Variants in CIROP observed in about 807,000 individuals in gnomAD.
The protein encoded by CIROP is leishmanolysin homolog.
chr14:23,101,419 G>A, the CIROP span: 2 of 594,752 alleles, frequency 3.4e-6, no homozygotes, highest in Non-Finnish European at 6.0e-6. Flanking sequence ...GAGGTGTGGG[G>A]TAAGAGAAGG....
chr14:23,104,243 C>G, the CIROP span: 1 of 659,858 alleles, frequency 1.5e-6, no homozygotes, highest in South Asian at 1.6e-5. Flanking sequence ...TCAATCTCAC[C>G]TTTGCCCCCA....
At chr14:23,102,391 G>C in the CIROP span, 1 of 702,880 alleles carries the variant, frequency 1.4e-6, no homozygotes. Flanking sequence ...ACTCCCAAGT[G>C]TTTGGCCAGG....
chr14:23,102,831 C>T, the CIROP span: 2 of 653,420 alleles, frequency 3.1e-6, no homozygotes, highest in East Asian at 5.4e-5. Context: ...TCTATTCCAT[C>T]CTCTGTGGGT....
At chr14:23,103,743 G>A in the CIROP span, 1 of 702,984 alleles carries the variant, frequency 1.4e-6, no homozygotes, top group East Asian at 2.7e-5. Context: ...TGGACCCCAG[G>A]CCCATCTGGC....
chr14:23,099,394 C>T, the CIROP span: 1 of 413,224 alleles, frequency 2.4e-6, no homozygotes, highest in Non-Finnish European at 4.4e-6. Context: ...GGCTGTGGTT[C>T]CCATTACACC....
chr14:23,104,471 T>A, the CIROP span: 1 of 703,040 alleles, frequency 1.4e-6, no homozygotes, highest in South Asian at 1.5e-5. Context: ...GTCCTTGCAC[T>A]GGAGGGACTT....
chr14:23,101,635 C>T, the CIROP span: 3 of 703,008 alleles, frequency 4.3e-6, no homozygotes, highest in Non-Finnish European at 7.8e-6. Flanking sequence ...TCCAGACCCA[C>T]TCAGTTTCAT....
the CIROP span, chr14:23,102,602 G>A: frequency 1.4e-6 from 1 of 703,052 alleles, no homozygotes; most frequent in South Asian, 1.5e-5. Flanking sequence ...ATGGTGGAAA[G>A]TCCTTAACCT....
the CIROP span, chr14:23,099,612 T>A: frequency 2.6e-6 from 1 of 377,668 alleles, no homozygotes; most frequent in Admixed American, 5.4e-5. Flanking sequence ...CAGGCTGGAG[T>A]GCAGTGGTGT....
chr14:23,102,037 C>G, the CIROP span: 1 of 701,404 alleles, frequency 1.4e-6, no homozygotes, highest in Admixed American at 2.0e-5. Context: ...TCCCACTTCC[C>G]CCAGAGCTGA....
the CIROP span, chr14:23,101,066 T>G: frequency 2.5e-6 from 1 of 400,054 alleles, no homozygotes; most frequent in Non-Finnish European, 4.4e-6. Flanking sequence ...GAGAAGACCA[T>G]AGTACCCAGG....
chr14:23,100,221 T>G, the CIROP span: 1 of 261,374 alleles, frequency 3.8e-6, no homozygotes, highest in Non-Finnish European at 7.5e-6. Flanking sequence ...CCCCACTGCA[T>G]TCCAGCCTGG....
the CIROP span, chr14:23,099,130 C>G: frequency 2.4e-5 from 10 of 410,014 alleles, no homozygotes; most frequent in East Asian, 3.6e-4. Context: ...AAAACTTCAC[C>G]CTTTTTTCAT....
chr14:23,104,374 C>T, the CIROP span: 44 of 702,794 alleles, frequency 6.3e-5, no homozygotes, highest in African/African-American at 3.7e-4. Context: ...TTGTCAACGA[C>T]GTGAACTCAC....
chr14:23,103,561 G>GCAAAACAAAACAAAA, the CIROP span: 114 of 463,250 alleles, frequency 2.5e-4, 3 homozygotes, highest in East Asian at 3.5e-3. Context: ...GAAAACAAAA[G>GCAAAACAAAACAAAA]CAAAATAAAA....
At chr14:23,102,785 C>A in the CIROP span, 1 of 696,700 alleles carries the variant, frequency 1.4e-6, no homozygotes, top group Non-Finnish European at 2.6e-6. Flanking sequence ...TATAACCCCT[C>A]TGCCCAATCA....
At chr14:23,099,167 G>T in the CIROP span, 1 of 411,440 alleles carries the variant, frequency 2.4e-6, no homozygotes, top group Non-Finnish European at 4.4e-6. Flanking sequence ...ATTGACAACC[G>T]GGGAAAGAGG....
the CIROP span, chr14:23,099,199 T>A: frequency 2.4e-6 from 1 of 412,542 alleles, no homozygotes; most frequent in Non-Finnish European, 4.4e-6. Context: ...AAGTAGAAAT[T>A]AAGTATACAC....
chr14:23,104,873 G>A, the CIROP span: 1 of 686,428 alleles, frequency 1.5e-6, no homozygotes, highest in Admixed American at 2.1e-5. Flanking sequence ...CAGCAACCCT[G>A]AGGACTAGTG....
Sources: gnomAD v4.1 joint callset for allele counts on GRCh38, gnomAD v4.1.1 for gene constraint, MANE v1.5 for transcripts, NCBI Gene and HGNC (gene_info 2026-07-23, HGNC 2026-07-21) for gene names.